Variants in MOXD1 observed in about 807,000 individuals in gnomAD.
The protein encoded by MOXD1 is monooxygenase DBH like 1.
In MOXD1, 62 loss-of-function variants were observed where a neutral mutation model predicts 66.6. The ratio of observed to expected loss-of-function variants is 0.93; its 90% CI spans 0.76 to 1.15. The LOEUF is 1.15. Ranked by LOEUF, MOXD1 falls within the 50% of genes most tolerant of loss-of-function variation. The pLI is 0.00. For missense variants in MOXD1, 847 were observed against 754.6 expected (o/e 1.12, Z -1.44); for synonymous variants, 303 against 281.9 (o/e 1.07, Z -0.75).
chr6:132,351,220 G>A (rs1198732264), intron 4 of MOXD1, among the ~76,000 whole-genome samples: 1 of 152,146 alleles, frequency 6.6e-6, no homozygotes, highest in Non-Finnish European at 1.5e-5. Flanking sequence ...TCTTGTTCCA[G>A]TTCTCAGAGG....
At chr6:132,329,123 C>A (rs1366447830) in intron 4 of MOXD1, among the ~76,000 whole-genome samples, 1 of 152,140 alleles carries the variant, frequency 6.6e-6, no homozygotes, top group Non-Finnish European at 1.5e-5. Context: ...ACTCTCCCCA[C>A]CCCACGACAG....
chr6:132,311,351 A>C (rs529136712), intron 10 of MOXD1, among the ~76,000 whole-genome samples: 2 of 152,182 alleles, frequency 1.3e-5, no homozygotes, highest in South Asian at 4.1e-4. Context: ...GTCATGTTAA[A>C]TATTCTGGGA....
At chr6:132,316,299 T>G (rs1030118341) in intron 9 of MOXD1, among the ~76,000 whole-genome samples, 6 of 152,128 alleles carry the variant, frequency 3.9e-5, no homozygotes, top group African/African-American at 1.4e-4. Context: ...ATATGTCTAA[T>G]TTCAACCAAA....
intron 4 of MOXD1, among the ~76,000 whole-genome samples, chr6:132,330,998 T>C (rs1398307319): frequency 2.0e-5 from 3 of 152,198 alleles, no homozygotes; most frequent in Admixed American, 6.5e-5. Flanking sequence ...TTTGCACTTG[T>C]TTTGTCTCTA....
chr6:132,303,591 T>C (rs1344859915), intron 10 of MOXD1, among the ~76,000 whole-genome samples: 1 of 151,456 alleles, frequency 6.6e-6, no homozygotes, highest in Non-Finnish European at 1.5e-5. Context: ...AAAAATATTC[T>C]GTGCATGTTC....
chr6:132,372,776 G>T, intron 3 of MOXD1, 54 bp downstream of exon 3: 1 of 1,609,074 alleles, frequency 6.2e-7, no homozygotes, highest in Admixed American at 1.7e-5. Flanking sequence ...AAAAATGCTC[G>T]TATACACTTT....
At chr6:132,334,967 A>C (rs527711705) in intron 4 of MOXD1, among the ~76,000 whole-genome samples, 3 of 152,334 alleles carry the variant, frequency 2.0e-5, no homozygotes, top group Non-Finnish European at 2.9e-5. Flanking sequence ...CTGGGTACAG[A>C]GATAATACCA....
chr6:132,372,389 T>C (rs1438249122), intron 4 of MOXD1, among the ~76,000 whole-genome samples: 2 of 152,192 alleles, frequency 1.3e-5, no homozygotes, highest in Admixed American at 1.3e-4. Context: ...ACTTGTACCT[T>C]TGACATGTAA....
chr6:132,333,272 C>A (rs1033425199), intron 4 of MOXD1, among the ~76,000 whole-genome samples: 1 of 142,352 alleles, frequency 7.0e-6, no homozygotes, highest in African/African-American at 2.7e-5. Flanking sequence ...GGAGGCAGAG[C>A]TGGCAGTGAG....
At chr6:132,380,327 C>G (rs1776483132) in intron 1 of MOXD1, among the ~76,000 whole-genome samples, 1 of 152,164 alleles carries the variant, frequency 6.6e-6, no homozygotes, top group African/African-American at 2.4e-5. Context: ...TTCCAGGTTA[C>G]CTATTATCAA....
intron 1 of MOXD1, among the ~76,000 whole-genome samples, chr6:132,397,092 A>G (rs7745230): frequency 0.6 from 91,647 of 152,058 alleles, 30,084 homozygotes; most frequent in African/African-American, 0.86. Context: ...ATGCTGTGAC[A>G]AAGTCAAGCA....
intron 10 of MOXD1, among the ~76,000 whole-genome samples, chr6:132,310,115 C>G (rs1281300364): frequency 2.6e-5 from 4 of 152,106 alleles, no homozygotes; most frequent in Admixed American, 1.3e-4. Flanking sequence ...CAACAAAGAT[C>G]TAATATCCAG....
intron 1 of MOXD1, among the ~76,000 whole-genome samples, chr6:132,396,414 A>T (rs1477386800): frequency 6.6e-6 from 1 of 152,084 alleles, no homozygotes; most frequent in Non-Finnish European, 1.5e-5. Context: ...AGCAACAAAC[A>T]CCTACATCAA....
At chr6:132,396,878 T>C (rs1776893314) in intron 1 of MOXD1, among the ~76,000 whole-genome samples, 2 of 152,278 alleles carry the variant, frequency 1.3e-5, no homozygotes, top group Admixed American at 6.5e-5. Flanking sequence ...GAATCAGTAA[T>C]AAAAAGTCTC....
At chr6:132,378,739 T>C (rs980348388) in intron 1 of MOXD1, among the ~76,000 whole-genome samples, 2 of 152,074 alleles carry the variant, frequency 1.3e-5, no homozygotes, top group African/African-American at 4.8e-5. Context: ...TATAATCTAC[T>C]CATGGGTAAA....
At position 132,300,097 on chromosome 6, in the gene MOXD1, T is replaced by A. The variant is rs545109146; in HGVS notation, c.1509-2142A>T. On this transcript the variant is annotated intron_variant, in intron 10 of 11. Coordinates refer to ENST00000367963, the MANE Select transcript of MOXD1 (RefSeq NM_015529.4). ...TATATATAGATCTTTACATTTTTCA[T>A]AATTTCCTTTAATTAGAATCAATAT... 2.0e-5 allele frequency among the ~76,000 whole-genome samples: 3 copies of A among 152,258 alleles called. No individual in the cohort carries two copies. In the South Asian group the frequency reaches 6.2e-4, roughly 32 times the overall value.
At position 132,297,675 on chromosome 6, in the gene MOXD1, G is replaced by A. The variant is rs994002536; in HGVS notation, c.1677+112C>T. ...ATTGAACAAAAATTATCAGACATTAGAAGGCAACTGGACCCCTGGATTTAT... is the reference window on the plus strand; with the variant it reads ...ATTGAACAAAAATTATCAGACATTAAAAGGCAACTGGACCCCTGGATTTAT... On this transcript the variant is annotated intron_variant, in intron 11 of 11. Transcript: ENST00000367963. 62 of 1,279,286 alleles carry A rather than the reference G, an allele frequency of 4.8e-5. 1 individual carries two copies. The highest frequency in any genetic ancestry group is 7.5e-5 in the African/African-American group (5 of 66,432). 79.2% of individuals were successfully genotyped at this position (1,279,286 alleles called of 1,614,324 possible). A position where few individuals can be genotyped will look rare whatever the true frequency, so the allele number is the denominator to read the frequency against.
In MOXD1 at chr6:132,328,498, C is replaced by G. The variant is rs778040178; in HGVS notation, c.760G>C (p.Gly254Arg). 1 of 1,614,108 alleles carries G rather than the reference C, an allele frequency of 6.2e-7. No homozygotes were observed. Among genetic ancestry groups the G allele is most frequent in the South Asian group, 1.1e-5 (1 of 91,074 alleles). The change falls in exon 5 of 12, where the codon GGC becomes CGC. Residue 254 changes from glycine (G) to arginine (R), a missense_variant. By Grantham distance (125) the Gly-to-Arg change is moderately radical (BLOSUM62 -2). Coordinates refer to ENST00000367963, the MANE Select transcript of MOXD1 (RefSeq NM_015529.4). ...NNFNDSVLESGHECYHPNMPD... is the reference protein window; with the variant it reads ...NNFNDSVLESRHECYHPNMPD... Reference sequence around the variant, plus strand: ...ATGTTGGGGTGATAGCACTCGTGGCCGGACTCCAGAACGCTGTCGTTAAAG... The same window carrying G: ...ATGTTGGGGTGATAGCACTCGTGGCGGGACTCCAGAACGCTGTCGTTAAAG...
At chr6:132,371,683 T>C (rs148355925) in intron 4 of MOXD1, among the ~76,000 whole-genome samples, 5 of 152,264 alleles carry the variant, frequency 3.3e-5, no homozygotes, top group Non-Finnish European at 7.4e-5. Context: ...CAGAGTGACT[T>C]ACCTGAGAGC....
Sources: allele counts gnomAD v4.1 joint callset (sites outside exome capture counted in the v4.1 genomes callset), GRCh38; gene constraint gnomAD v4.1.1; transcripts MANE v1.5; gene names NCBI Gene and HGNC (gene_info 2026-07-23, HGNC 2026-07-21).